BICC1: variants seen among roughly 807,000 people sequenced by gnomAD.
The protein encoded by BICC1 is BicC family RNA binding protein 1.
A neutral mutation model predicts 111.0 loss-of-function variants in BICC1; 43 were observed. The ratio of observed to expected loss-of-function variants is 0.39; its 90% CI spans 0.30 to 0.50. The LOEUF is 0.50. Ranked by LOEUF, BICC1 falls within the 20% of genes least tolerant of loss-of-function variation. The probability of loss-of-function intolerance (pLI) is 0.88; values close to 1 mark genes in which losing one functional copy is unlikely to be tolerated. For missense variants in BICC1, 1,091 were observed against 1,203.2 expected (o/e 0.91, Z 1.38); for synonymous variants, 467 against 434.4 (o/e 1.07, Z -0.93).
At chr10:58,595,705 A>T (rs1384712590) in intron 1 of BICC1, among the ~76,000 whole-genome samples, 5 of 152,194 alleles carry the variant, frequency 3.3e-5, no homozygotes, top group Admixed American at 3.3e-4. Flanking sequence ...TCTGGGACAC[A>T]TTTAAAGCAG....
intron 1 of BICC1, among the ~76,000 whole-genome samples, chr10:58,617,192 G>A (rs7095923): frequency 0.074 from 11,280 of 152,320 alleles, 626 homozygotes; most frequent in African/African-American, 0.14. Flanking sequence ...CTTCAGGCTC[G>A]TGAGAGTACG....
intron 3 of BICC1, among the ~76,000 whole-genome samples, chr10:58,736,279 C>A (rs1841464431): frequency 6.6e-6 from 1 of 152,116 alleles, no homozygotes; most frequent in Non-Finnish European, 1.5e-5. Context: ...GATATACCAC[C>A]TTATGTAATG....
intron 3 of BICC1, among the ~76,000 whole-genome samples, chr10:58,743,624 T>C (rs1296539678): frequency 6.6e-6 from 1 of 152,128 alleles, no homozygotes; most frequent in Admixed American, 6.6e-5. Flanking sequence ...GGTCTTATCA[T>C]GCTAGCTTCA....
At chr10:58,566,343 T>C (rs1843763371) in intron 1 of BICC1, among the ~76,000 whole-genome samples, 1 of 152,112 alleles carries the variant, frequency 6.6e-6, no homozygotes, top group East Asian at 1.9e-4. Context: ...TATATATACA[T>C]ACACATATAT....
At chr10:58,612,690 T>C (rs1845470822) in intron 1 of BICC1, among the ~76,000 whole-genome samples, 1 of 152,126 alleles carries the variant, frequency 6.6e-6, no homozygotes, top group Non-Finnish European at 1.5e-5. Context: ...TTGAACTTGG[T>C]ATTTTCTTGC....
At chr10:58,703,511 T>C (rs1280029473) in intron 3 of BICC1, among the ~76,000 whole-genome samples, 7 of 152,202 alleles carry the variant, frequency 4.6e-5, no homozygotes, top group African/African-American at 1.2e-4. Flanking sequence ...TGGGAACTTA[T>C]ATGCTAAATA....
chr10:58,617,471 T>C (rs775791647), intron 1 of BICC1, among the ~76,000 whole-genome samples: 13 of 152,246 alleles, frequency 8.5e-5, no homozygotes, highest in Non-Finnish European at 1.5e-4. Flanking sequence ...TAATGGAAGA[T>C]AAGGCCATGG....
At chr10:58,759,511 A>G (rs1191755585) in intron 3 of BICC1, among the ~76,000 whole-genome samples, 1 of 152,170 alleles carries the variant, frequency 6.6e-6, no homozygotes, top group Non-Finnish European at 1.5e-5. Flanking sequence ...GGCATAAAAC[A>G]TTCTTTACTA....
Position 58,540,946 on chromosome 10 carries a change from A to G in BICC1, c.190+27613A>G, listed in dbSNP as rs1326813108. ...TACTGATATGTTAACAGAATGAAGGAAATGTAACACATGATCATCTCAATT... is the reference window on the plus strand; with the variant it reads ...TACTGATATGTTAACAGAATGAAGGGAATGTAACACATGATCATCTCAATT... On this transcript the variant is annotated intron_variant, in intron 1 of 20. Transcript: ENST00000373886. 8.5e-5 allele frequency among the ~76,000 whole-genome samples: 13 copies of G among 152,280 alleles called. No homozygotes were observed. In the East Asian group the frequency reaches 2.3e-3, roughly 27 times the overall value.
intron 3 of BICC1, among the ~76,000 whole-genome samples, chr10:58,744,906 A>T (rs1181343149): frequency 1.3e-5 from 2 of 152,152 alleles, no homozygotes; most frequent in African/African-American, 4.8e-5. Context: ...CAAATGGATG[A>T]AGTTGATGGT....
rs576152919 is a variant in BICC1 at position 58,672,599 on chromosome 10, C to T, written c.238-29475C>T. Reference sequence around the variant, plus strand: ...GACACTTAACTTTGTAATTATATATCGGCAAGTGGTGTTTGACAGTTTGTT... The same window carrying T: ...GACACTTAACTTTGTAATTATATATTGGCAAGTGGTGTTTGACAGTTTGTT... On this transcript the variant is annotated intron_variant, in intron 2 of 20. Transcript: ENST00000373886. Among the ~76,000 whole-genome samples, 52 of 152,222 alleles carry T rather than the reference C, an allele frequency of 3.4e-4. 1 individual carries two copies. Among genetic ancestry groups the T allele is most frequent in the South Asian group, 1.5e-3 (7 of 4,816 alleles).
chr10:58,701,938 C>A, intron 2 of BICC1, 136 bp from the exon 3 acceptor site: 3 of 540,034 alleles, frequency 5.6e-6, no homozygotes, highest in Non-Finnish European at 6.4e-6. Context: ...TTTTTCTTTG[C>A]ATTGTTTTCA....
At chr10:58,594,888 TG>T (rs1270710495) in intron 1 of BICC1, among the ~76,000 whole-genome samples, 1 of 151,800 alleles carries the variant, frequency 6.6e-6, no homozygotes, top group Non-Finnish European at 1.5e-5. Flanking sequence ...TTAACCTAAA[TG>T]TAGGCTAAAT....
intron 3 of BICC1, among the ~76,000 whole-genome samples, chr10:58,766,962 G>A (rs546181887): frequency 7.9e-5 from 12 of 151,600 alleles, no homozygotes; most frequent in Middle Eastern, 3.4e-3. Flanking sequence ...TGGGGGTGGC[G>A]GAAATCACAG....
intron 3 of BICC1, among the ~76,000 whole-genome samples, chr10:58,750,406 G>C (rs1841953520): frequency 6.6e-6 from 1 of 151,782 alleles, no homozygotes. Flanking sequence ...CACTAAGGAA[G>C]AAAAAAAATG....
rs185576389 is a variant in BICC1, at chr10:58,547,304, G to T, written c.190+33971G>T. ...AGTTTCTCAGACTCCTCTTGCTTTT[G>T]ATGATTTTGACAGTTTTGAGAAGTA... On this transcript the variant is annotated intron_variant, in intron 1 of 20. Transcript: ENST00000373886. 2.2e-3 allele frequency among the ~76,000 whole-genome samples: 339 copies of T among 152,184 alleles called. 3 individuals carry two copies. Among genetic ancestry groups the T allele is most frequent in the African/African-American group, 7.5e-3 (311 of 41,534 alleles).
intron 1 of BICC1, among the ~76,000 whole-genome samples, chr10:58,551,495 G>A (rs1843294044): frequency 6.6e-6 from 1 of 152,130 alleles, no homozygotes; most frequent in Non-Finnish European, 1.5e-5. Context: ...TGTGTGTGGT[G>A]AACACATTTA....
intron 3 of BICC1, among the ~76,000 whole-genome samples, chr10:58,737,049 T>G (rs1025442185): frequency 6.6e-6 from 1 of 151,948 alleles, no homozygotes; most frequent in Non-Finnish European, 1.5e-5. Flanking sequence ...TGAAAAAAAA[T>G]TTTTTTTGAG....
In BICC1 at chr10:58,712,971, A is replaced by T. The variant is rs539319112; in HGVS notation, c.307+10828A>T. On this transcript the variant is annotated intron_variant, in intron 3 of 20. Transcript: ENST00000373886. Reference sequence around the variant, plus strand: ...TATATTTAAAAGAATAGTCGTAGATACTAGACACAGCATTTTTATCAGCAT... The same window carrying T: ...TATATTTAAAAGAATAGTCGTAGATTCTAGACACAGCATTTTTATCAGCAT... Among the ~76,000 whole-genome samples the T allele has an allele frequency of 1.3e-3, 202 of 152,358 alleles. 2 individuals are homozygous for T. The highest frequency in any genetic ancestry group is 1.1e-3 in the Non-Finnish European group (76 of 68,046).
Sources: allele counts gnomAD v4.1 joint callset (sites outside exome capture counted in the v4.1 genomes callset), GRCh38; gene constraint gnomAD v4.1.1; transcripts MANE v1.5; gene names NCBI Gene and HGNC (gene_info 2026-07-23, HGNC 2026-07-21).